Variants in LRP1B observed in about 807,000 individuals in gnomAD.
LRP1B encodes low-density lipoprotein receptor-related protein 1B.
LRP1B carries 217 observed loss-of-function variants against 556.6 expected under a neutral mutation model. That is an observed-to-expected ratio of 0.39 (90% CI 0.35 to 0.44). The LOEUF (loss-of-function observed/expected upper bound fraction) is 0.44. Ranked by LOEUF, LRP1B falls within the 20% of genes least tolerant of loss-of-function variation. The pLI, the probability that LRP1B is intolerant of heterozygous loss-of-function variation, is 1.00. For synonymous variants in LRP1B, 2,047 were observed against 1,865.8 expected (o/e 1.10, Z -2.50); for missense variants, 5,053 against 5,620.8 (o/e 0.90, Z 3.23).
At chr2:141,601,632 TTCCTTCCTTCC>T (rs1421616607) in intron 2 of LRP1B, among the ~76,000 whole-genome samples, 4 of 151,416 alleles carry the variant, frequency 2.6e-5, no homozygotes, top group East Asian at 1.9e-4. Context: ...CCTTCCTTCC[TTCCTTCCTTCC>T]TTTTTTTTTC....
At chr2:141,368,826 T>G (rs1302921590) in intron 3 of LRP1B, among the ~76,000 whole-genome samples, 2 of 152,198 alleles carry the variant, frequency 1.3e-5, no homozygotes, top group Non-Finnish European at 2.9e-5. Context: ...TGAGATACAC[T>G]TCATTATTTA....
At chr2:141,444,632 A>G (rs1344083325) in intron 3 of LRP1B, among the ~76,000 whole-genome samples, 1 of 152,170 alleles carries the variant, frequency 6.6e-6, no homozygotes, top group African/African-American at 2.4e-5. Flanking sequence ...AGTTTTTAGT[A>G]TGAAGGTGTG....
chr2:140,555,479 C>T (rs934310308), intron 43 of LRP1B, among the ~76,000 whole-genome samples: 8 of 151,996 alleles, frequency 5.3e-5, no homozygotes, highest in Non-Finnish European at 1.2e-4. Context: ...TTGTGTTTGT[C>T]ATAAGATTCT....
intron 51 of LRP1B, 42 bp from the exon 52 acceptor site, chr2:140,510,098 C>A (rs2104918057): frequency 6.2e-7 from 1 of 1,600,006 alleles, no homozygotes; most frequent in South Asian, 1.1e-5. Context: ...TACTCTGTGT[C>A]CACTGGAAAA....
chr2:141,798,138 G>T (rs1368490545), intron 2 of LRP1B, among the ~76,000 whole-genome samples: 1 of 152,142 alleles, frequency 6.6e-6, no homozygotes, highest in African/African-American at 2.4e-5. Flanking sequence ...CATCATGTCT[G>T]CATGTATTAA....
chr2:140,817,319 T>C (rs1045261306), intron 31 of LRP1B, among the ~76,000 whole-genome samples: 2 of 151,728 alleles, frequency 1.3e-5, no homozygotes, highest in Non-Finnish European at 2.9e-5. Flanking sequence ...ATAATAAGTA[T>C]ACGAAAAAAA....
chr2:141,111,588 T>C lies in LRP1B; in HGVS notation c.1014-49315A>G, dbSNP rs535629612. On this transcript the variant is annotated intron_variant, in intron 7 of 90. Coordinates refer to ENST00000389484, the MANE Select transcript of LRP1B (RefSeq NM_018557.3). ...ACAGTGGACTAAGGACCCACATGCATACTAGGGGAATACGGTGGAGCCACC... is the reference window on the plus strand; with the variant it reads ...ACAGTGGACTAAGGACCCACATGCACACTAGGGGAATACGGTGGAGCCACC... 9.2e-5 allele frequency among the ~76,000 whole-genome samples: 14 copies of C among 152,190 alleles called. No homozygotes were observed. The South Asian group carries it at 2.7e-3, about 29-fold the overall frequency.
chr2:141,890,422 T>G (rs1699257636), intron 1 of LRP1B, among the ~76,000 whole-genome samples: 1 of 121,176 alleles, frequency 8.3e-6, no homozygotes, highest in South Asian at 2.5e-4. Context: ...GAATTGAAAT[T>G]AAATGTTCTC....
intron 3 of LRP1B, among the ~76,000 whole-genome samples, chr2:141,258,127 T>C (rs1684549379): frequency 1.3e-5 from 2 of 152,230 alleles, no homozygotes; most frequent in African/African-American, 4.8e-5. Flanking sequence ...AACACAGACA[T>C]GTAAACACGG....
At chr2:141,570,053 C>T (rs923169806) in intron 2 of LRP1B, among the ~76,000 whole-genome samples, 1 of 150,932 alleles carries the variant, frequency 6.6e-6, no homozygotes, top group South Asian at 2.1e-4. Context: ...TGCAATATAG[C>T]AAGACCCTGT....
At chr2:140,627,535 C>G (rs2105267300) in intron 41 of LRP1B, among the ~76,000 whole-genome samples, 1 of 152,338 alleles carries the variant, frequency 6.6e-6, no homozygotes, top group Non-Finnish European at 1.5e-5. Context: ...TAAGACTGCA[C>G]TGTCAGCTTC....
intron 2 of LRP1B, among the ~76,000 whole-genome samples, chr2:141,790,986 A>G (rs1159079762): frequency 6.6e-6 from 1 of 152,048 alleles, no homozygotes; most frequent in Non-Finnish European, 1.5e-5. Context: ...GACATACATC[A>G]GTAAATTTTC....
chr2:141,918,632 AT>A (rs1201593078), intron 1 of LRP1B, among the ~76,000 whole-genome samples: 3 of 152,118 alleles, frequency 2.0e-5, no homozygotes, highest in Non-Finnish European at 4.4e-5. Flanking sequence ...ATTTCATTCT[AT>A]TATATCGGTG....
chr2:140,874,957 G>A (rs1217978075), intron 25 of LRP1B, among the ~76,000 whole-genome samples: 1 of 151,664 alleles, frequency 6.6e-6, no homozygotes, highest in African/African-American at 2.4e-5. Context: ...AGCAGAGGTT[G>A]CAGTGAGCTG....
intron 2 of LRP1B, among the ~76,000 whole-genome samples, chr2:141,496,146 T>A (rs1329882202): frequency 6.6e-6 from 1 of 152,058 alleles, no homozygotes; most frequent in Non-Finnish European, 1.5e-5. Flanking sequence ...TCTTCCTTGA[T>A]ATTATTAAAC....
chr2:140,625,317 T>C (rs1030411817), intron 41 of LRP1B, among the ~76,000 whole-genome samples: 1 of 152,218 alleles, frequency 6.6e-6, no homozygotes, highest in East Asian at 1.9e-4. Flanking sequence ...AAGAACACAA[T>C]AATTTTAAAA....
At chr2:140,934,997 C>T (rs143425841) in intron 20 of LRP1B, among the ~76,000 whole-genome samples, 462 of 152,208 alleles carry the variant, frequency 3.0e-3, no homozygotes, top group African/African-American at 0.01. Flanking sequence ...AGTTTATACC[C>T]CAGGGTAATC....
intron 55 of LRP1B, among the ~76,000 whole-genome samples, chr2:140,496,220 A>G (rs1460571524): frequency 6.6e-6 from 1 of 152,152 alleles, no homozygotes; most frequent in Non-Finnish European, 1.5e-5. Context: ...TTGGTACAAA[A>G]GTAATTGTGG....
chr2:140,245,761 A>G (rs1681133358), intron 87 of LRP1B, among the ~76,000 whole-genome samples: 1 of 151,366 alleles, frequency 6.6e-6, no homozygotes, highest in Non-Finnish European at 1.5e-5. Context: ...CAAATTAGGC[A>G]AGACACATTT....
Sources: gnomAD v4.1 joint callset for allele counts (sites outside exome capture counted in the v4.1 genomes callset) on GRCh38, gnomAD v4.1.1 for gene constraint, MANE v1.5 for transcripts, NCBI Gene and HGNC (gene_info 2026-07-23, HGNC 2026-07-21) for gene names.